The following DDX6 variants were observed in gnomAD, a reference collection of about 807,000 sequenced individuals.
DDX6 encodes probable ATP-dependent RNA helicase DDX6.
DDX6 carries 7 observed loss-of-function variants against 60.6 expected under a neutral mutation model. The observed-to-expected ratio is 0.12, with a 90% confidence interval of 0.07 to 0.22. DDX6 has a LOEUF of 0.22. Among genes scored for constraint, DDX6 ranks in the 10% least tolerant of loss-of-function variants. The pLI, the probability that DDX6 is intolerant of heterozygous loss-of-function variation, is 1.00. For missense variants in DDX6, 270 were observed against 589.9 expected, an observed-to-expected ratio of 0.46 and a Z score of 5.62; for synonymous variants, 207 against 201.0, an observed-to-expected ratio of 1.03 and a Z score of -0.25.
At chr11:118,752,281 G>A (rs1860802479) in intron 13 of DDX6, among the ~76,000 whole-genome samples, 184 bp from the exon 14 acceptor site, 1 of 152,118 alleles carries the variant, frequency 6.6e-6, no homozygotes, top group Non-Finnish European at 1.5e-5. Context: ...ATAGATTGGG[G>A]GCCTGAATGA....
Position 118,748,064 on chromosome 11 carries a change from A to C in DDX6, c.*4041T>G, listed in dbSNP as rs1340189675. ...CTCTACCATTTTTACTGAACAAAAA[A>C]TAATTTTTTTTCCTGTTTCAAAAAA... On this transcript the variant is annotated 3_prime_UTR_variant, in exon 14 of 14. Transcript: ENST00000534980. 6.6e-6 allele frequency: 1 copy of C among 152,126 alleles called. No individual in the cohort carries two copies. Among genetic ancestry groups the C allele is most frequent in the Non-Finnish European group, 1.5e-5 (1 of 68,034 alleles). The allele number at this position is 152,126 out of a possible 1,614,324, so 9.4% of individuals were successfully genotyped here. A position where few individuals can be genotyped will look rare whatever the true frequency, so the allele number is the denominator to read the frequency against.
chr11:118,772,544 C>G (rs1179117174), intron 4 of DDX6, among the ~76,000 whole-genome samples: 1 of 152,032 alleles, frequency 6.6e-6, no homozygotes, highest in Non-Finnish European at 1.5e-5. Flanking sequence ...TGGGACTGAT[C>G]AAAATGTTCT....
At chr11:118,783,466 G>A (rs1861969217) in intron 2 of DDX6, among the ~76,000 whole-genome samples, 2 of 152,116 alleles carry the variant, frequency 1.3e-5, no homozygotes, top group African/African-American at 4.8e-5. Context: ...TGGGATGAAC[G>A]GCATGAGCCA....
intron 13 of DDX6, 49 bp downstream of exon 13, chr11:118,754,656 G>C (rs554519911): frequency 6.6e-6 from 10 of 1,505,580 alleles, no homozygotes; most frequent in Admixed American, 4.7e-5. Flanking sequence ...AGAAGATTTT[G>C]ATTTCCCTCA....
intron 2 of DDX6, among the ~76,000 whole-genome samples, chr11:118,782,737 G>A (rs977733962): frequency 6.0e-5 from 9 of 151,222 alleles, no homozygotes; most frequent in Non-Finnish European, 1.3e-4. Context: ...TCCACCTCCC[G>A]GGGTTCAAGC....
chr11:118,763,333 T>A, intron 6 of DDX6, 27 bp from the exon 7 acceptor site: 1 of 1,518,960 alleles, frequency 6.6e-7, no homozygotes, highest in South Asian at 1.1e-5. Context: ...AAACATACAT[T>A]CTCATTAATT....
intron 3 of DDX6, 108 bp downstream of exon 3, chr11:118,781,013 C>A: frequency 1.5e-6 from 1 of 674,548 alleles, no homozygotes; most frequent in Non-Finnish European, 2.7e-6. Context: ...AGGAGGGTGG[C>A]AGTGGTGTTA....
intron 4 of DDX6, 131 bp from the exon 5 acceptor site, chr11:118,768,483 A>G (rs996476006): frequency 1.8e-5 from 16 of 886,624 alleles, no homozygotes; most frequent in Non-Finnish European, 2.4e-5. Flanking sequence ...TTTGAATTCT[A>G]CATGAATAGC....
chr11:118,755,345 T>C (rs1860929675), intron 12 of DDX6, 57 bp downstream of exon 12: 2 of 1,008,116 alleles, frequency 2.0e-6, no homozygotes, highest in Non-Finnish European at 3.1e-6. Flanking sequence ...CAAAATTTAG[T>C]CATTACACGC....
In DDX6 at chr11:118,763,080, A is replaced by G. The variant is rs1861229425; in HGVS notation, c.741+132T>C. The stretch of plus-strand genomic sequence containing the variant: ...ACGGGTAAAACACATTTTATAAGCA[A>G]ATTAATTTAAACTGATTGTTTATGT... On this transcript the variant is annotated intron_variant, in intron 7 of 13. Transcript: ENST00000534980. 4 of 575,054 alleles carry G rather than the reference A, an allele frequency of 7.0e-6. No homozygotes were observed. The South Asian group carries it at 1.1e-4, about 16-fold the overall frequency. The allele number at this position is 575,054 out of a possible 1,614,324, so 35.6% of individuals were successfully genotyped here. A position where few individuals can be genotyped will look rare whatever the true frequency, so the allele number is the denominator to read the frequency against.
At position 118,765,652 on chromosome 11, in the gene DDX6, G is replaced by A. The variant is rs1448501824; in HGVS notation, c.500-297C>T. 2.0e-5 allele frequency among the ~76,000 whole-genome samples: 3 copies of A among 152,228 alleles called. No individual in the cohort carries two copies. The East Asian group carries it at 5.8e-4, about 29-fold the overall frequency. On this transcript the variant is annotated intron_variant, in intron 5 of 13. Transcript: ENST00000534980. Reference sequence around the variant, plus strand: ...TATCCAGGCGTGGTGGCACGCACCTGTAGTCCCACCTACTCAGGAGGCTGA... The same window carrying A: ...TATCCAGGCGTGGTGGCACGCACCTATAGTCCCACCTACTCAGGAGGCTGA...
chr11:118,757,399 T>C (rs782625785), intron 9 of DDX6, 112 bp from the exon 10 acceptor site: 18 of 537,608 alleles, frequency 3.3e-5, no homozygotes, highest in Admixed American at 2.3e-4. Flanking sequence ...GTCTAAAACT[T>C]AGAATCTCAT....
At chr11:118,779,845 G>A (rs1305313451) in intron 3 of DDX6, 109 bp from the exon 4 acceptor site, 2 of 773,390 alleles carry the variant, frequency 2.6e-6, no homozygotes, top group South Asian at 1.8e-5. Flanking sequence ...GCCAGGCATG[G>A]TGGCTCATGC....
At chr11:118,754,213 G>C (rs1051154208) in intron 13 of DDX6, among the ~76,000 whole-genome samples, 1 of 152,174 alleles carries the variant, frequency 6.6e-6, no homozygotes, top group African/African-American at 2.4e-5. Flanking sequence ...GAGGACTGCT[G>C]GAGTTCAGGA....
At chr11:118,775,458 ACT>A (rs781885816) in intron 4 of DDX6, among the ~76,000 whole-genome samples, 2 of 152,160 alleles carry the variant, frequency 1.3e-5, no homozygotes, top group Non-Finnish European at 2.9e-5. Flanking sequence ...GTGACTTGTA[ACT>A]CTGATTGATT....
At chr11:118,779,332 A>G (rs1488917661) in intron 4 of DDX6, among the ~76,000 whole-genome samples, 1 of 152,170 alleles carries the variant, frequency 6.6e-6, no homozygotes, top group East Asian at 1.9e-4. Context: ...AAACTGCTAT[A>G]AAGGACATGT....
chr11:118,757,801 G>C (rs1861030020), intron 9 of DDX6, among the ~76,000 whole-genome samples: 1 of 152,112 alleles, frequency 6.6e-6, no homozygotes. Flanking sequence ...CTGTTGGTCA[G>C]GCTGGTCTTG....
chr11:118,788,744 C>CAGT (rs923401237), intron 1 of DDX6: 1 of 152,224 alleles, frequency 6.6e-6, no homozygotes, highest in Admixed American at 6.5e-5. Context: ...GAGTGGAGTG[C>CAGT]AGTAGCCCGA....
intron 7 of DDX6, among the ~76,000 whole-genome samples, chr11:118,760,937 C>T (rs1267703466): frequency 6.6e-6 from 1 of 151,136 alleles, no homozygotes; most frequent in African/African-American, 2.4e-5. Context: ...GTCAGGAGTT[C>T]AAGACAAGAC....
Sources: gnomAD v4.1 joint callset for allele counts (sites outside exome capture counted in the v4.1 genomes callset) on GRCh38, gnomAD v4.1.1 for gene constraint, MANE v1.5 for transcripts, NCBI Gene and HGNC (gene_info 2026-07-23, HGNC 2026-07-21) for gene names.